SUCLG2: variants seen among roughly 807,000 people sequenced by gnomAD.
The protein encoded by SUCLG2 is succinate-CoA ligase GDP-forming subunit beta, also known as succinate--CoA ligase [GDP-forming] subunit beta, mitochondrial.
A neutral mutation model predicts 47.9 loss-of-function variants in SUCLG2; 42 were observed. That is an observed-to-expected ratio of 0.88 (90% CI 0.69 to 1.14). The LOEUF is 1.14. Among genes scored for constraint, SUCLG2 ranks in the 50% most tolerant of loss-of-function variants. The probability of loss-of-function intolerance (pLI) is 0.00; values close to 1 mark genes in which losing one functional copy is unlikely to be tolerated. For synonymous variants in SUCLG2, 195 were observed against 197.3 expected, an observed-to-expected ratio of 0.99 and a Z score of 0.10; for missense variants, 571 against 525.9, an observed-to-expected ratio of 1.09 and a Z score of -0.84.
chr3:67,479,470 T>C (rs1424323869), intron 9 of SUCLG2, among the ~76,000 whole-genome samples: 2 of 152,214 alleles, frequency 1.3e-5, no homozygotes, highest in Non-Finnish European at 1.5e-5. Flanking sequence ...TGAAACACTC[T>C]ATTATCACGA....
chr3:67,565,835 T>A (rs1707439666), intron 2 of SUCLG2, among the ~76,000 whole-genome samples: 1 of 152,198 alleles, frequency 6.6e-6, no homozygotes, highest in Non-Finnish European at 1.5e-5. Context: ...AAAGGGTGAA[T>A]TGAACACTAC....
intron 9 of SUCLG2, among the ~76,000 whole-genome samples, chr3:67,442,139 T>G (rs933816732): frequency 1.1e-3 from 158 of 147,456 alleles, no homozygotes; most frequent in African/African-American, 3.8e-3. Context: ...GCCTCCCAAG[T>G]AGCTGGGACT....
At chr3:67,492,929 G>T (rs529883835) in intron 9 of SUCLG2, among the ~76,000 whole-genome samples, 2 of 152,176 alleles carry the variant, frequency 1.3e-5, no homozygotes, top group Admixed American at 1.3e-4. Context: ...ATTGAATGAC[G>T]TGTTTACTAA....
intron 2 of SUCLG2, among the ~76,000 whole-genome samples, chr3:67,535,226 G>A (rs1267941459): frequency 1.3e-5 from 2 of 152,100 alleles, no homozygotes; most frequent in Admixed American, 6.6e-5. Flanking sequence ...GTTCAATTAA[G>A]GAGGCAGAAC....
chr3:67,605,172 T>A lies in SUCLG2; in HGVS notation c.226+4283A>T, dbSNP rs191003778. Among the ~76,000 whole-genome samples the A allele has an allele frequency of 2.6e-5, 4 of 152,266 alleles. No individual in the cohort carries two copies. In the East Asian group the frequency reaches 7.7e-4, roughly 29 times the overall value. Reference sequence around the variant, plus strand: ...TGGTATCATAATTACAAGGTGAAGATCCCATTTTTTCAGGACAATCAGGAA... The same window carrying A: ...TGGTATCATAATTACAAGGTGAAGAACCCATTTTTTCAGGACAATCAGGAA... On this transcript the variant is annotated intron_variant, in intron 2 of 10. Transcript: ENST00000307227.
downstream of SUCLG2, among the ~76,000 whole-genome samples, chr3:67,372,278 G>T (rs1701965693): frequency 1.3e-5 from 2 of 152,174 alleles, no homozygotes; most frequent in Admixed American, 6.5e-5. Flanking sequence ...CAACATCTTT[G>T]CCATTAACTA....
At chr3:67,486,968 GCA>G (rs1705070649) in intron 9 of SUCLG2, among the ~76,000 whole-genome samples, 1 of 151,964 alleles carries the variant, frequency 6.6e-6, no homozygotes, top group African/African-American at 2.4e-5. Flanking sequence ...ATTAATTTTA[GCA>G]CACAGGCGAA....
chr3:67,555,959 T>C (rs914100947), intron 2 of SUCLG2, among the ~76,000 whole-genome samples: 3 of 152,240 alleles, frequency 2.0e-5, no homozygotes, highest in Non-Finnish European at 4.4e-5. Context: ...TGCCTTCTGA[T>C]GGGACATATA....
At chr3:67,461,648 G>C (rs918954755) in intron 9 of SUCLG2, among the ~76,000 whole-genome samples, 1 of 151,920 alleles carries the variant, frequency 6.6e-6, no homozygotes, top group Non-Finnish European at 1.5e-5. Flanking sequence ...TTGTTATGGT[G>C]AGCTGTTTGT....
intron 4 of SUCLG2, among the ~76,000 whole-genome samples, chr3:67,526,249 C>A (rs1469506045): frequency 1.3e-5 from 2 of 152,072 alleles, no homozygotes; most frequent in African/African-American, 4.8e-5. Context: ...TGTCTTGGGC[C>A]GCACATAAAA....
intron 2 of SUCLG2, among the ~76,000 whole-genome samples, chr3:67,583,772 A>G (rs749262956): frequency 8.5e-5 from 13 of 152,206 alleles, no homozygotes; most frequent in Non-Finnish European, 1.6e-4. Context: ...CTTGAAGCCA[A>G]CAATGGTACA....
intron 2 of SUCLG2, among the ~76,000 whole-genome samples, chr3:67,605,149 G>GT (rs1276279924): frequency 6.6e-6 from 1 of 152,114 alleles, no homozygotes; most frequent in African/African-American, 2.4e-5. Flanking sequence ...TCCCATGATG[G>GT]TATCATAATT....
rs1705984037 is a variant in SUCLG2, at chr3:67,517,713, C to T, written c.660+534G>A. 1.3e-5 allele frequency among the ~76,000 whole-genome samples: 2 copies of T among 152,104 alleles called. 1 individual carries two copies. The highest frequency in any genetic ancestry group is 4.2e-4 in the South Asian group (2 of 4,818). On this transcript the variant is annotated intron_variant, in intron 6 of 10. Transcript: ENST00000307227. Reference sequence around the variant, plus strand: ...TCTCAATAAAATATCAAGTTTATGCCATCAATATTCATTTCAAATGCCCAT... The same window carrying T: ...TCTCAATAAAATATCAAGTTTATGCTATCAATATTCATTTCAAATGCCCAT...
At chr3:67,630,098 T>C (rs1700900618) in intron 1 of SUCLG2, among the ~76,000 whole-genome samples, 2 of 152,256 alleles carry the variant, frequency 1.3e-5, no homozygotes, top group South Asian at 4.1e-4. Context: ...AGAAATGTAT[T>C]ATGAGGATAC....
At chr3:67,416,530 G>A (rs751840639) in intron 9 of SUCLG2, among the ~76,000 whole-genome samples, 14 of 152,130 alleles carry the variant, frequency 9.2e-5, no homozygotes, top group Non-Finnish European at 1.8e-4. Flanking sequence ...CAGGGAATAT[G>A]AGACAATTTG....
chr3:67,581,532 C>T (rs1418376211), intron 2 of SUCLG2, among the ~76,000 whole-genome samples: 1 of 152,182 alleles, frequency 6.6e-6, no homozygotes, highest in African/African-American at 2.4e-5. Context: ...TTAATTCAAT[C>T]AGTATTTACT....
chr3:67,588,783 C>T (rs956558494), intron 2 of SUCLG2, among the ~76,000 whole-genome samples: 1 of 152,180 alleles, frequency 6.6e-6, no homozygotes, highest in African/African-American at 2.4e-5. Flanking sequence ...ATATTGGTGA[C>T]ATTCAACTAC....
chr3:67,532,473 TG>T (rs1198985333), intron 2 of SUCLG2, among the ~76,000 whole-genome samples: 1 of 152,238 alleles, frequency 6.6e-6, no homozygotes, highest in African/African-American at 2.4e-5. Flanking sequence ...ATTATATTAT[TG>T]GACTCTGAGT....
At chr3:67,605,271 G>A (rs992407868) in intron 2 of SUCLG2, among the ~76,000 whole-genome samples, 1 of 152,168 alleles carries the variant, frequency 6.6e-6, no homozygotes, top group African/African-American at 2.4e-5. Context: ...TCTTGGTTCT[G>A]TCAATCTTGT....
Sources: allele counts gnomAD v4.1 joint callset (sites outside exome capture counted in the v4.1 genomes callset), GRCh38; gene constraint gnomAD v4.1.1; transcripts MANE v1.5; gene names NCBI Gene and HGNC (gene_info 2026-07-23, HGNC 2026-07-21).